The following CSMD1 variants were observed in gnomAD, a reference collection of about 807,000 sequenced individuals.
CSMD1 encodes the protein CUB and Sushi multiple domains 1.
A neutral mutation model predicts 417.5 loss-of-function variants in CSMD1; 213 were observed. The ratio of observed to expected loss-of-function variants is 0.51; its 90% confidence interval spans 0.46 to 0.57. The LOEUF is 0.57. CSMD1 is among the 20% of genes least tolerant of loss of function. CSMD1 has a pLI of 0.00. For synonymous variants in CSMD1, 2,862 were observed against 1,736.8 expected, an observed-to-expected ratio of 1.65 and a Z score of -16.11; for missense variants, 6,923 against 4,529.7, an observed-to-expected ratio of 1.53 and a Z score of -15.17.
At chr8:3,837,544 CA>C (rs1802791373) in intron 5 of CSMD1, among the ~76,000 whole-genome samples, 1 of 152,070 alleles carries the variant, frequency 6.6e-6, no homozygotes, top group Admixed American at 6.6e-5. Context: ...ACACAGCCCC[CA>C]AGATAACATT....
At chr8:4,063,988 T>C (rs1001933835) in intron 3 of CSMD1, among the ~76,000 whole-genome samples, 1 of 151,826 alleles carries the variant, frequency 6.6e-6, no homozygotes, top group African/African-American at 2.4e-5. Context: ...GTTGGGAAAA[T>C]GGGGAAATGA....
At chr8:4,820,853 A>T (rs1799482860) in intron 1 of CSMD1, among the ~76,000 whole-genome samples, 1 of 152,188 alleles carries the variant, frequency 6.6e-6, no homozygotes, top group South Asian at 2.1e-4. Flanking sequence ...TAATGCAAGA[A>T]TAATTGTTGT....
chr8:3,889,435 T>C (rs1236507825), intron 5 of CSMD1, among the ~76,000 whole-genome samples: 1 of 134,624 alleles, frequency 7.4e-6, no homozygotes, highest in Non-Finnish European at 1.6e-5. Flanking sequence ...CATTAGTTGA[T>C]ATGCTTCTGA....
chr8:4,075,248 C>G (rs1383917697), intron 3 of CSMD1, among the ~76,000 whole-genome samples: 1 of 151,868 alleles, frequency 6.6e-6, no homozygotes, highest in Non-Finnish European at 1.5e-5. Context: ...TTAGGATAAT[C>G]TAAAAAACAA....
At chr8:3,594,437 G>A (rs1365929098) in intron 8 of CSMD1, among the ~76,000 whole-genome samples, 1 of 151,890 alleles carries the variant, frequency 6.6e-6, no homozygotes, top group Non-Finnish European at 1.5e-5. Flanking sequence ...ATGAGTATAT[G>A]TGTTATGGAT....
intron 1 of CSMD1, among the ~76,000 whole-genome samples, chr8:4,852,336 T>G (rs950145261): frequency 6.6e-6 from 1 of 152,092 alleles, no homozygotes; most frequent in African/African-American, 2.4e-5. Flanking sequence ...CTTGCAACAG[T>G]GAGAGAGTTC....
chr8:3,722,878 G>A (rs905219732), intron 6 of CSMD1, among the ~76,000 whole-genome samples: 3 of 150,754 alleles, frequency 2.0e-5, no homozygotes, highest in African/African-American at 7.3e-5. Context: ...GCTTTTTCAT[G>A]GAACACCATT....
chr8:4,517,703 A>C (rs1450009292), intron 2 of CSMD1, among the ~76,000 whole-genome samples: 1 of 152,236 alleles, frequency 6.6e-6, no homozygotes, highest in African/African-American at 2.4e-5. Context: ...TCAAAATACT[A>C]ATACTTAGTT....
chr8:3,673,803 G>C (rs915973205), intron 7 of CSMD1, among the ~76,000 whole-genome samples: 1 of 152,162 alleles, frequency 6.6e-6, no homozygotes. Context: ...GGGCACTGGA[G>C]TGCAACACGC....
At chr8:2,959,935 C>T (rs528709076) in intron 62 of CSMD1, among the ~76,000 whole-genome samples, 8 of 152,208 alleles carry the variant, frequency 5.3e-5, no homozygotes, top group Admixed American at 2.6e-4. Context: ...ATCAATTATT[C>T]GTGTTAGTGT....
intron 5 of CSMD1, among the ~76,000 whole-genome samples, chr8:3,896,230 T>C (rs143265481): frequency 3.2e-4 from 48 of 152,298 alleles, no homozygotes; most frequent in Non-Finnish European, 4.9e-4. Context: ...GCCTGGTTGC[T>C]GTCACCAAAA....
chr8:4,691,533 G>C (rs1017331980), intron 1 of CSMD1, among the ~76,000 whole-genome samples: 6 of 152,162 alleles, frequency 3.9e-5, no homozygotes, highest in Non-Finnish European at 5.9e-5. Context: ...CCCATGAAAA[G>C]GGTTCTATAG....
intron 5 of CSMD1, among the ~76,000 whole-genome samples, chr8:3,929,522 C>T (rs1008494534): frequency 4.0e-5 from 6 of 150,466 alleles, no homozygotes; most frequent in Non-Finnish European, 5.9e-5. Context: ...TCAAAGTCAA[C>T]GTCCATTGGC....
intron 3 of CSMD1, among the ~76,000 whole-genome samples, chr8:4,064,892 C>G (rs947317219): frequency 6.6e-6 from 1 of 151,442 alleles, no homozygotes; most frequent in Non-Finnish European, 1.5e-5. Flanking sequence ...GGTTTCCTCA[C>G]AAAGTGGTCA....
intron 6 of CSMD1, among the ~76,000 whole-genome samples, chr8:3,722,168 G>T (rs527644380): frequency 2.8e-4 from 42 of 152,128 alleles, no homozygotes; most frequent in Non-Finnish European, 5.7e-4. Context: ...AATTAGCTGG[G>T]CATGGTGGCT....
chr8:4,100,136 C>G (rs1472288232), intron 3 of CSMD1, among the ~76,000 whole-genome samples: 1 of 152,082 alleles, frequency 6.6e-6, no homozygotes, highest in Non-Finnish European at 1.5e-5. Context: ...TTACTTTTCC[C>G]AATACCTTGG....
At chr8:4,414,312 T>C (rs182465426) in intron 3 of CSMD1, among the ~76,000 whole-genome samples, 5 of 152,258 alleles carry the variant, frequency 3.3e-5, no homozygotes, top group Non-Finnish European at 1.5e-5. Context: ...CCATCCTAAA[T>C]CACTTCCTGA....
At chr8:3,859,623 G>A (rs528623897) in intron 5 of CSMD1, among the ~76,000 whole-genome samples, 1 of 152,182 alleles carries the variant, frequency 6.6e-6, no homozygotes, top group South Asian at 2.1e-4. Context: ...TGGGAGCTTT[G>A]GTTTACATGA....
intron 3 of CSMD1, among the ~76,000 whole-genome samples, chr8:4,077,445 C>G (rs1799892529): frequency 1.3e-5 from 2 of 151,280 alleles, no homozygotes; most frequent in Non-Finnish European, 2.9e-5. Flanking sequence ...TTTGAGTATC[C>G]TATACATATC....
Sources: gnomAD v4.1 joint callset for allele counts (sites outside exome capture counted in the v4.1 genomes callset) on GRCh38, gnomAD v4.1.1 for gene constraint, MANE v1.5 for transcripts, NCBI Gene and HGNC (gene_info 2026-07-23, HGNC 2026-07-21) for gene names.